Variants in FAM240C observed in about 807,000 individuals in gnomAD.
FAM240C encodes family with sequence similarity 240 member C, also known as protein FAM240C.
In FAM240C, 14 loss-of-function variants were observed where a neutral mutation model predicts 10.0. The ratio of observed to expected loss-of-function variants is 1.40; its 90% CI spans 0.92 to 2.19. The LOEUF is 2.19. Ranked by LOEUF, FAM240C falls within the 30% of genes most tolerant of loss-of-function variation. The pLI, the probability that FAM240C is intolerant of heterozygous loss-of-function variation, is 0.00. For synonymous variants in FAM240C, 49 were observed against 44.3 expected (o/e 1.11, Z -0.42); for missense variants, 154 against 122.3 (o/e 1.26, Z -1.22).
chr2:241,896,334 C>T (rs1701801944), intron 2 of FAM240C, among the ~76,000 whole-genome samples: 1 of 152,194 alleles, frequency 6.6e-6, no homozygotes, highest in Non-Finnish European at 1.5e-5. Flanking sequence ...TTGGTATCTG[C>T]CTTCCTGAGC....
At chr2:241,901,693 A>G (rs1187476766), upstream of FAM240C, among the ~76,000 whole-genome samples, 1 of 152,186 alleles carries the variant, frequency 6.6e-6, no homozygotes, top group Non-Finnish European at 1.5e-5. The surrounding 1 kb of genome is among the most constrained non-coding windows in gnomAD (Gnocchi z 4.9). Flanking sequence ...CGCCGGTGAG[A>G]ACCAGCAGCT....
chr2:241,901,567 C>T (rs1441955168), upstream of FAM240C, among the ~76,000 whole-genome samples: 1 of 152,092 alleles, frequency 6.6e-6, no homozygotes, highest in East Asian at 1.9e-4. The surrounding 1 kb of genome is among the most constrained non-coding windows in gnomAD (Gnocchi z 4.9). Context: ...GCTCAGGACA[C>T]CTTGATCTGT....
intron 1 of FAM240C, among the ~76,000 whole-genome samples, chr2:241,897,923 T>G (rs1014025796): frequency 1.3e-5 from 2 of 152,144 alleles, no homozygotes; most frequent in African/African-American, 4.8e-5. Context: ...CTTGTAGAGA[T>G]TGGGTCTCAC....
At chr2:241,896,605 G>A (rs1047847097) in intron 2 of FAM240C, among the ~76,000 whole-genome samples, 18 of 118,160 alleles carry the variant, frequency 1.5e-4, no homozygotes, top group East Asian at 2.4e-4. Flanking sequence ...GGGTGAAGGG[G>A]TGTGGGTGTG....
chr2:241,897,280 C>T lies in FAM240C; in HGVS notation c.67G>A (p.Gly23Ser). 5 of 1,549,852 alleles carry T rather than the reference C, an allele frequency of 3.2e-6. No homozygotes were observed. The highest frequency in any genetic ancestry group is 3.5e-6 in the Non-Finnish European group (4 of 1,146,536). Reference sequence around the variant, plus strand: ...TTCTCCCAAAACATCTTTATCCCGCCTGAATCGTATGCTACTCTTCCAGGA... The same window carrying T: ...TTCTCCCAAAACATCTTTATCCCGCTTGAATCGTATGCTACTCTTCCAGGA... ...KNPGRVAYDS[G>S]GIKMFWEKKI... is the part of the protein sequence containing the mutation. Residue 23 changes from glycine (G) to serine (S), a missense_variant, in exon 2 of 3, where the codon GGC becomes AGC. Gly to Ser is a moderately conservative substitution (Grantham distance 56, BLOSUM62 0). Transcript: ENST00000404031.
upstream of FAM240C, among the ~76,000 whole-genome samples, chr2:241,902,047 G>A (rs116814626): frequency 0.011 from 1,680 of 152,336 alleles, 32 homozygotes; most frequent in African/African-American, 0.039. The surrounding 1 kb of genome is among the most constrained non-coding windows in gnomAD (Gnocchi z 7.1). Context: ...CCCGTGTTTC[G>A]GAGTTTGTAG....
chr2:241,900,774 C>T (rs953433628), upstream of FAM240C, among the ~76,000 whole-genome samples: 1 of 152,174 alleles, frequency 6.6e-6, no homozygotes, highest in Non-Finnish European at 1.5e-5. The surrounding 1 kb of genome is among the most constrained non-coding windows in gnomAD (Gnocchi z 4.5). Flanking sequence ...GTGGCCTTTG[C>T]ACTTACTGCA....
chr2:241,899,661 G>A (rs765960433), intron 1 of FAM240C, among the ~76,000 whole-genome samples: 13 of 152,254 alleles, frequency 8.5e-5, no homozygotes, highest in Non-Finnish European at 8.8e-5. Context: ...CAGCGTGGGC[G>A]TTAGAGCTTC....
At position 241,900,332 on chromosome 2, in the gene FAM240C, C is replaced by A. The variant is rs555125736; in HGVS notation, c.12+26G>T. The A allele has an allele frequency of 8.4e-6, 6 of 717,264 alleles. No individual in the cohort carries two copies. The highest frequency in any genetic ancestry group is 1.6e-5 in the Non-Finnish European group (6 of 385,030). The allele number at this position is 717,264 out of a possible 1,614,324, so 44.4% of individuals were successfully genotyped here. A position where few individuals can be genotyped will look rare whatever the true frequency, so the allele number is the denominator to read the frequency against. ...GCGCCAATCTCTCAAGCAAGGACAG[C>A]GCCTGTCACATCACAGAGAGCTTAC... On this transcript the variant is annotated intron_variant, in intron 1 of 2. Transcript: ENST00000404031. The surrounding 1 kb of genome is among the most constrained non-coding windows in gnomAD (Gnocchi z 4.5).
intron 1 of FAM240C, chr2:241,899,401 G>A (rs1701930870): frequency 3.2e-6 from 3 of 925,226 alleles, no homozygotes; most frequent in South Asian, 5.0e-5. Context: ...ACTCAGCCAC[G>A]CCTGCCTGTG....
upstream of FAM240C, among the ~76,000 whole-genome samples, chr2:241,901,716 C>T (rs910845899): frequency 1.3e-5 from 2 of 152,222 alleles, no homozygotes; most frequent in African/African-American, 4.8e-5. This position sits in a 1 kb window ranked among gnomAD's most constrained non-coding sequence, Gnocchi z 4.9. Flanking sequence ...TTCAGAAAAA[C>T]CGCTGCGTGC....
chr2:241,894,091 G>C lies in FAM240C; in HGVS notation c.*122C>G. ...GTGGGATTATTACGGGGTCAGCGAGGTGCGGGCCATTTCCATGATGAAGAT... is the reference window on the plus strand; with the variant it reads ...GTGGGATTATTACGGGGTCAGCGAGCTGCGGGCCATTTCCATGATGAAGAT... On this transcript the variant is annotated 3_prime_UTR_variant, in exon 3 of 3. Transcript: ENST00000404031. 8.5e-7 allele frequency: 1 copy of C among 1,170,938 alleles called. No individual in the cohort carries two copies. The highest frequency in any genetic ancestry group is 1.2e-6 in the Non-Finnish European group (1 of 846,746). 72.5% of individuals were successfully genotyped at this position (1,170,938 alleles called of 1,614,324 possible). A position where few individuals can be genotyped will look rare whatever the true frequency, so the allele number is the denominator to read the frequency against.
chr2:241,899,317 C>G, intron 1 of FAM240C: 1 of 985,414 alleles, frequency 1.0e-6, no homozygotes, highest in Non-Finnish European at 1.2e-6. Flanking sequence ...TGGAGGGCCA[C>G]AGAAATCGCC....
chr2:241,894,046 G>C lies in FAM240C; in HGVS notation c.*167C>G, dbSNP rs1701726643. On this transcript the variant is annotated 3_prime_UTR_variant, in exon 3 of 3. Coordinates refer to ENST00000404031, the MANE Select transcript of FAM240C (RefSeq NM_001382368.1). ...ATGCGCTAGAGAACCCTGGGACTCTGCTGCAGCGTGGACCCCGAGGTGGGA... is the reference window on the plus strand; with the variant it reads ...ATGCGCTAGAGAACCCTGGGACTCTCCTGCAGCGTGGACCCCGAGGTGGGA... 1 of 688,856 alleles carries C rather than the reference G, an allele frequency of 1.5e-6. No individual in the cohort carries two copies. Among genetic ancestry groups the C allele is most frequent in the Non-Finnish European group, 2.3e-6 (1 of 430,174 alleles). The allele number at this position is 688,856 out of a possible 1,614,324, so 42.7% of individuals were successfully genotyped here.
rs1018675579 is a variant in FAM240C at position 241,900,066 on chromosome 2, C to A, written c.12+292G>T. On this transcript the variant is annotated intron_variant, in intron 1 of 2. Transcript: ENST00000404031. The surrounding 1 kb of genome is among the most constrained non-coding windows in gnomAD (Gnocchi z 4.5). ...TGGGCGACAGAGCGAGACTCCATCT[C>A]ATAAACAACAACAACAGCAACAAAA... 1.3e-5 allele frequency among the ~76,000 whole-genome samples: 2 copies of A among 152,120 alleles called. No individual in the cohort carries two copies. Among genetic ancestry groups the A allele is most frequent in the African/African-American group, 4.8e-5 (2 of 41,424 alleles).
intron 1 of FAM240C, chr2:241,899,217 T>G: frequency 7.7e-7 from 1 of 1,303,768 alleles, no homozygotes; most frequent in Non-Finnish European, 1.0e-6. Context: ...GACCCCTGGC[T>G]GGGGGCTTCC....
chr2:241,901,763 G>C (rs547180815), upstream of FAM240C, among the ~76,000 whole-genome samples: 1 of 152,244 alleles, frequency 6.6e-6, no homozygotes, highest in Non-Finnish European at 1.5e-5. This position sits in a 1 kb window ranked among gnomAD's most constrained non-coding sequence, Gnocchi z 4.9. Context: ...AAACGGAAAG[G>C]AATAGCCCCA....
At chr2:241,897,419 G>T (rs1452445215) in intron 1 of FAM240C, 85 bp from the exon 2 acceptor site, 1 of 1,469,006 alleles carries the variant, frequency 6.8e-7, no homozygotes, top group East Asian at 2.5e-5. Context: ...GGATGGCAGA[G>T]GAGCTGGCTC....
chr2:241,895,587 C>T (rs1462398089), intron 2 of FAM240C, among the ~76,000 whole-genome samples: 1 of 152,234 alleles, frequency 6.6e-6, no homozygotes, highest in African/African-American at 2.4e-5. Context: ...AGTTAGGCTA[C>T]TCTCTAACGG....
Sources: allele counts gnomAD v4.1 joint callset (sites outside exome capture counted in the v4.1 genomes callset), GRCh38; gene constraint gnomAD v4.1.1; non-coding constraint Gnocchi (gnomAD v3.1); transcripts MANE v1.5; gene names NCBI Gene and HGNC (gene_info 2026-07-23, HGNC 2026-07-21).